Variants in PPP1CB observed in about 807,000 individuals in gnomAD.
PPP1CB encodes the protein serine/threonine-protein phosphatase PP1-beta catalytic subunit.
In PPP1CB, 2 loss-of-function variants were observed where a neutral mutation model predicts 43.7. The observed-to-expected ratio is 0.05, with a 90% CI of 0.02 to 0.14. The LOEUF (loss-of-function observed/expected upper bound fraction) is 0.14. Among genes scored for constraint, PPP1CB ranks in the 10% least tolerant of loss-of-function variants. PPP1CB has a pLI of 1.00. For missense variants in PPP1CB, 84 were observed against 398.0 expected (o/e 0.21, Z 6.71); for synonymous variants, 136 against 135.6 (o/e 1.00, Z -0.02).
At chr2:28,772,812 T>C (rs1666942505) in intron 1 of PPP1CB, among the ~76,000 whole-genome samples, 1 of 152,196 alleles carries the variant, frequency 6.6e-6, no homozygotes, top group Non-Finnish European at 1.5e-5. Flanking sequence ...AGCATTTTCT[T>C]TGAGCATCAT....
At chr2:28,771,037 T>C (rs13007183) in intron 1 of PPP1CB, among the ~76,000 whole-genome samples, 68,106 of 101,008 alleles carry the variant, frequency 0.67, 22,558 homozygotes, top group African/African-American at 0.74. Context: ...ACTTATTCCC[T>C]GCTCCCCCCC....
At chr2:28,752,596 G>A (rs1175279144) in intron 1 of PPP1CB, among the ~76,000 whole-genome samples, 4 of 152,288 alleles carry the variant, frequency 2.6e-5, no homozygotes, top group African/African-American at 9.6e-5. Flanking sequence ...TTCTCTTTGT[G>A]CATTGCCCTT....
chr2:28,792,060 G>A (rs1667398725), intron 6 of PPP1CB, among the ~76,000 whole-genome samples: 1 of 151,850 alleles, frequency 6.6e-6, no homozygotes, highest in South Asian at 2.1e-4. Context: ...CAAAAAACTG[G>A]CTGGGCACCG....
intron 1 of PPP1CB, among the ~76,000 whole-genome samples, chr2:28,762,653 C>G (rs997065201): frequency 6.6e-6 from 1 of 152,176 alleles, no homozygotes; most frequent in Non-Finnish European, 1.5e-5. Flanking sequence ...GAAATTATAT[C>G]CATGAATTTT....
intron 1 of PPP1CB, among the ~76,000 whole-genome samples, chr2:28,758,137 C>T (rs1666534535): frequency 6.6e-6 from 1 of 150,558 alleles, no homozygotes; most frequent in East Asian, 1.9e-4. Context: ...CCTCAACCTT[C>T]TGGGCTCAAG....
In PPP1CB at chr2:28,762,500, G is replaced by A. The variant is rs571658308; in HGVS notation, c.52+10324G>A. On this transcript the variant is annotated intron_variant, in intron 1 of 7. Transcript: ENST00000395366. ...TTTTAGTTGAATATGAAGAAAGTCT[G>A]TAGTCCTACAGATACGTAGTTAGAA... Among the ~76,000 whole-genome samples the A allele has an allele frequency of 2.0e-5, 3 of 152,284 alleles. No individual in the cohort carries two copies. The South Asian group carries it at 6.2e-4, about 32-fold the overall frequency.
Position 28,751,944 on chromosome 2 carries a change from C to G in PPP1CB, c.-181C>G. On this transcript the variant is annotated 5_prime_UTR_variant, in exon 1 of 8. Transcript: ENST00000395366. Reference sequence around the variant, plus strand: ...TTTTCCGTGGGTGCCTCCGAGTGTGCGCGCGCTCTCGCTACCCGGCGGGGA... The same window carrying G: ...TTTTCCGTGGGTGCCTCCGAGTGTGGGCGCGCTCTCGCTACCCGGCGGGGA... 3.1e-6 allele frequency: 2 copies of G among 646,306 alleles called. No homozygotes were observed. The allele number at this position is 646,306 out of a possible 1,614,324, so 40.0% of individuals were successfully genotyped here.
At chr2:28,759,719 G>A (rs926539325) in intron 1 of PPP1CB, among the ~76,000 whole-genome samples, 4 of 151,290 alleles carry the variant, frequency 2.6e-5, no homozygotes, top group Non-Finnish European at 4.4e-5. Context: ...TCAGGTTCAA[G>A]TGATTCTCCT....
At chr2:28,796,499 C>T (rs1667500286) in intron 7 of PPP1CB, among the ~76,000 whole-genome samples, 3 of 152,068 alleles carry the variant, frequency 2.0e-5, no homozygotes, top group Admixed American at 2.0e-4. Flanking sequence ...AGATCTTTCA[C>T]CTCCCTGGTT....
At chr2:28,772,033 A>G (rs1200070364) in intron 1 of PPP1CB, among the ~76,000 whole-genome samples, 6 of 152,110 alleles carry the variant, frequency 3.9e-5, no homozygotes, top group African/African-American at 7.2e-5. Flanking sequence ...AAGATACTCA[A>G]TGGCCAGGTG....
At chr2:28,766,140 T>C (rs1298843233) in intron 1 of PPP1CB, among the ~76,000 whole-genome samples, 8 of 152,194 alleles carry the variant, frequency 5.3e-5, no homozygotes, top group Non-Finnish European at 7.3e-5. Context: ...TCTAAAACTC[T>C]TCTGTGTTTG....
chr2:28,752,208 A>C (rs1181123759), intron 1 of PPP1CB, 32 bp downstream of exon 1: 2 of 1,518,474 alleles, frequency 1.3e-6, no homozygotes, highest in Non-Finnish European at 1.8e-6. Context: ...GGACAGAGGG[A>C]GGTCGGGCAC....
chr2:28,775,632 C>T (rs781303876), intron 1 of PPP1CB, among the ~76,000 whole-genome samples: 15 of 152,136 alleles, frequency 9.9e-5, no homozygotes, highest in Non-Finnish European at 1.8e-4. Context: ...CCGCTTTGAC[C>T]CCCTAAAGTG....
intron 4 of PPP1CB, 30 bp from the exon 5 acceptor site, chr2:28,783,877 T>G: frequency 6.6e-7 from 1 of 1,509,220 alleles, no homozygotes; most frequent in Non-Finnish European, 9.2e-7. Context: ...TTTTAGCTGT[T>G]AGTACTATGT....
chr2:28,779,108 G>A (rs752881792), intron 3 of PPP1CB, 69 bp downstream of exon 3: 168 of 1,208,306 alleles, frequency 1.4e-4, no homozygotes, highest in Non-Finnish European at 1.8e-4. Flanking sequence ...TGGTTCAGAA[G>A]AGTTGCTTTG....
At chr2:28,766,075 A>G in intron 1 of PPP1CB, among the ~76,000 whole-genome samples, 1 of 152,208 alleles carries the variant, frequency 6.6e-6, no homozygotes, top group East Asian at 1.9e-4. Flanking sequence ...TGTAGAATAG[A>G]GGCTACCTCG....
intron 1 of PPP1CB, among the ~76,000 whole-genome samples, chr2:28,770,627 G>C (rs535319656): frequency 5.3e-4 from 80 of 152,120 alleles, no homozygotes; most frequent in Non-Finnish European, 9.1e-4. Flanking sequence ...AGTTAAAATA[G>C]ACAAAACCAC....
intron 6 of PPP1CB, among the ~76,000 whole-genome samples, chr2:28,791,444 C>T (rs962998664): frequency 6.6e-6 from 1 of 152,014 alleles, no homozygotes; most frequent in African/African-American, 2.4e-5. Flanking sequence ...GATTCTCCTG[C>T]CTTAGCCTCC....
chr2:28,789,723 G>A (rs1336373941), intron 6 of PPP1CB, among the ~76,000 whole-genome samples: 2 of 148,722 alleles, frequency 1.3e-5, no homozygotes, highest in South Asian at 2.2e-4. Context: ...CTCAGCCTCC[G>A]GAGCAGCTGG....
Sources: gnomAD v4.1 joint callset for allele counts (sites outside exome capture counted in the v4.1 genomes callset) on GRCh38, gnomAD v4.1.1 for gene constraint, MANE v1.5 for transcripts, NCBI Gene and HGNC (gene_info 2026-07-23, HGNC 2026-07-21) for gene names.